Variants in DIAPH3 observed in about 807,000 individuals in gnomAD.
The protein encoded by DIAPH3 is protein diaphanous homolog 3.
DIAPH3 carries 117 observed loss-of-function variants against 144.3 expected under a neutral mutation model. The observed-to-expected ratio is 0.81, with a 90% CI of 0.70 to 0.95. The LOEUF is 0.95. Ranked by LOEUF, DIAPH3 falls within the 40% of genes least tolerant of loss-of-function variation. The pLI is 0.00. For missense variants in DIAPH3, 1,421 were observed against 1,412.7 expected (o/e 1.01, Z -0.09); for synonymous variants, 519 against 488.9 (o/e 1.06, Z -0.81).
intron 12 of DIAPH3, among the ~76,000 whole-genome samples, chr13:59,984,521 G>A (rs1331044699): frequency 6.6e-6 from 1 of 151,610 alleles, no homozygotes; most frequent in South Asian, 2.1e-4. Flanking sequence ...ACTGGTCATA[G>A]GTGAAACATC....
At chr13:59,867,322 C>T (rs1040089774) in intron 21 of DIAPH3, among the ~76,000 whole-genome samples, 6 of 150,884 alleles carry the variant, frequency 4.0e-5, no homozygotes, top group African/African-American at 1.2e-4. Flanking sequence ...ACAAAACAAG[C>T]CTAAGGTGCT....
chr13:60,130,369 C>G (rs1258082575), intron 2 of DIAPH3, among the ~76,000 whole-genome samples: 1 of 152,122 alleles, frequency 6.6e-6, no homozygotes, highest in Non-Finnish European at 1.5e-5. Flanking sequence ...CAGAAGAGAA[C>G]AGTGAGAGTG....
rs142672800 is a variant in DIAPH3 at position 60,065,902 on chromosome 13, A to C, written c.496-23082T>G. ...GGCCCTGAAAAGCCATTATTTAATC[A>C]TTGTTTTGGATGATATATTTCAGAA... is the stretch of plus-strand genomic sequence containing the variant. On this transcript the variant is annotated intron_variant, in intron 4 of 27. Transcript: ENST00000400324. Among the ~76,000 whole-genome samples, 598 of 152,300 alleles carry C rather than the reference A, an allele frequency of 3.9e-3. 5 individuals carry two copies. The highest frequency in any genetic ancestry group is 0.014 in the African/African-American group (581 of 41,566).
intron 14 of DIAPH3, among the ~76,000 whole-genome samples, chr13:59,974,817 T>C (rs1192866781): frequency 6.6e-6 from 1 of 152,082 alleles, no homozygotes; most frequent in Non-Finnish European, 1.5e-5. Context: ...TACAAATTCC[T>C]TGCATCTTCC....
chr13:59,826,453 G>A (rs925810993), intron 24 of DIAPH3, among the ~76,000 whole-genome samples: 9 of 150,794 alleles, frequency 6.0e-5, no homozygotes, highest in East Asian at 1.9e-4. Context: ...AGAATAAAAT[G>A]CCTAGGAATC....
chr13:59,965,651 T>A (rs539025391), intron 17 of DIAPH3, among the ~76,000 whole-genome samples: 4 of 152,170 alleles, frequency 2.6e-5, no homozygotes, highest in Admixed American at 6.5e-5. Flanking sequence ...AATCTTTTTT[T>A]ATAACCTTGT....
intron 23 of DIAPH3, among the ~76,000 whole-genome samples, chr13:59,834,496 C>T (rs988699055): frequency 6.6e-6 from 1 of 151,492 alleles, no homozygotes; most frequent in African/African-American, 2.4e-5. Context: ...TTCTTCTGGC[C>T]AGAACTTACA....
At chr13:60,137,944 G>A (rs548656822) in intron 1 of DIAPH3, among the ~76,000 whole-genome samples, 30 of 151,916 alleles carry the variant, frequency 2.0e-4, no homozygotes, top group Non-Finnish European at 4.1e-4. Context: ...GACTAGTCTC[G>A]AAATCCTGAC....
At chr13:59,830,851 CAAATCCCAACT>C (rs2041737810) in intron 24 of DIAPH3, among the ~76,000 whole-genome samples, 1 of 151,788 alleles carries the variant, frequency 6.6e-6, no homozygotes, top group Non-Finnish European at 1.5e-5. Context: ...GATCTGGATT[CAAATCCCAACT>C]GGATCACTTA....
At chr13:59,789,341 G>C (rs910109095) in intron 25 of DIAPH3, among the ~76,000 whole-genome samples, 2 of 152,262 alleles carry the variant, frequency 1.3e-5, no homozygotes, top group African/African-American at 4.8e-5. Flanking sequence ...ACTTTATTCT[G>C]AGTGAAGTTT....
At chr13:60,002,826 A>G (rs1268879201) in intron 9 of DIAPH3, among the ~76,000 whole-genome samples, 1 of 152,236 alleles carries the variant, frequency 6.6e-6, no homozygotes, top group Non-Finnish European at 1.5e-5. Context: ...TCGTATGACC[A>G]ACAGCAAGGG....
intron 7 of DIAPH3, among the ~76,000 whole-genome samples, chr13:60,012,306 C>T (rs1016167998): frequency 6.6e-6 from 1 of 152,080 alleles, no homozygotes; most frequent in Non-Finnish European, 1.5e-5. Context: ...AGGCCAAGGG[C>T]CCAAGAATAT....
intron 14 of DIAPH3, 127 bp from the exon 15 acceptor site, chr13:59,974,583 G>A: frequency 2.4e-6 from 2 of 850,642 alleles, no homozygotes; most frequent in Non-Finnish European, 3.7e-6. Flanking sequence ...TTTATGAAAG[G>A]AGTGATAGAG....
chr13:60,040,288 G>A (rs1256691165), intron 5 of DIAPH3, among the ~76,000 whole-genome samples: 2 of 141,174 alleles, frequency 1.4e-5, no homozygotes, highest in Admixed American at 7.1e-5. Context: ...AAAGTGGCAT[G>A]ATTTCAGAAA....
At chr13:60,093,528 TAC>T in intron 4 of DIAPH3, 98 bp downstream of exon 4, 2 of 758,160 alleles carry the variant, frequency 2.6e-6, no homozygotes, top group Middle Eastern at 3.5e-4. Context: ...GCCCTCTGAT[TAC>T]AGTTGCCCAC....
chr13:59,878,757 C>T (rs2044797473), intron 21 of DIAPH3, among the ~76,000 whole-genome samples: 1 of 151,938 alleles, frequency 6.6e-6, no homozygotes, highest in South Asian at 2.1e-4. Flanking sequence ...CATATATTTC[C>T]AATATAATAA....
intron 25 of DIAPH3, among the ~76,000 whole-genome samples, chr13:59,802,365 T>C (rs557975944): frequency 6.6e-6 from 1 of 152,022 alleles, no homozygotes; most frequent in Admixed American, 6.5e-5. Context: ...GCAAGAAATA[T>C]GCCTAAAGAT....
chr13:59,755,644 C>T (rs891731462), intron 27 of DIAPH3, among the ~76,000 whole-genome samples: 1 of 152,076 alleles, frequency 6.6e-6, no homozygotes, highest in South Asian at 2.1e-4. Flanking sequence ...TTTATCTTTA[C>T]CTATCAGTGG....
intron 14 of DIAPH3, among the ~76,000 whole-genome samples, chr13:59,977,845 T>A (rs1162519731): frequency 3.3e-5 from 5 of 151,770 alleles, no homozygotes; most frequent in Admixed American, 3.3e-4. Context: ...GGGGAAAAGA[T>A]ATTTTTAGGG....
Sources: allele counts gnomAD v4.1 joint callset (sites outside exome capture counted in the v4.1 genomes callset), GRCh38; gene constraint gnomAD v4.1.1; transcripts MANE v1.5; gene names NCBI Gene and HGNC (gene_info 2026-07-23, HGNC 2026-07-21).